The following TENM2 variants were observed in gnomAD, a reference collection of about 807,000 sequenced individuals.
TENM2 encodes teneurin transmembrane protein 2, also known as teneurin-2.
In TENM2, 52 loss-of-function variants were observed where a neutral mutation model predicts 245.2. That is an observed-to-expected ratio of 0.21 (90% CI 0.17 to 0.27). TENM2 has a LOEUF of 0.27. Ranked by LOEUF, TENM2 falls within the 10% of genes least tolerant of loss-of-function variation. The probability of loss-of-function intolerance (pLI) is 1.00; values close to 1 mark genes in which losing one functional copy is unlikely to be tolerated. For missense variants in TENM2, 3,046 were observed against 3,666.8 expected, an observed-to-expected ratio of 0.83 and a Z score of 4.37; for synonymous variants, 1,363 against 1,438.9, an observed-to-expected ratio of 0.95 and a Z score of 1.19.
intron 25 of TENM2, among the ~76,000 whole-genome samples, chr5:168,232,037 G>T (rs1199152176): frequency 6.6e-6 from 1 of 152,164 alleles, no homozygotes; most frequent in Non-Finnish European, 1.5e-5. Context: ...CTGTACTCCA[G>T]CCTGGGCAAC....
intron 2 of TENM2, among the ~76,000 whole-genome samples, chr5:167,757,586 T>C (rs1762392220): frequency 6.6e-6 from 1 of 152,210 alleles, no homozygotes; most frequent in Non-Finnish European, 1.5e-5. Flanking sequence ...GAATGATTTA[T>C]AATCCTTTGG....
At chr5:167,223,354 C>G in the TENM2 span, among the ~76,000 whole-genome samples, 1 of 152,026 alleles carries the variant, frequency 6.6e-6, no homozygotes, top group South Asian at 2.1e-4. Flanking sequence ...CCCATACACC[C>G]TTCTCAGTCT....
At chr5:167,308,191 A>G (rs923439686) in intron 1 of TENM2, 4 of 152,204 alleles carry the variant, frequency 2.6e-5, no homozygotes, top group Non-Finnish European at 5.9e-5. Flanking sequence ...ATTTTCTGAA[A>G]CACTTAAAAT....
chr5:167,087,426 T>G, the TENM2 span, among the ~76,000 whole-genome samples: 1 of 152,212 alleles, frequency 6.6e-6, no homozygotes, highest in Non-Finnish European at 1.5e-5. Flanking sequence ...CTGGTTACTC[T>G]TAAATCAACT....
intron 2 of TENM2, among the ~76,000 whole-genome samples, chr5:167,630,564 A>G (rs2127790829): frequency 6.6e-6 from 1 of 152,302 alleles, no homozygotes; most frequent in African/African-American, 2.4e-5. Flanking sequence ...TGCCGCAAAT[A>G]AGGGGGGAGT....
intron 2 of TENM2, among the ~76,000 whole-genome samples, chr5:167,558,657 C>G (rs1773401175): frequency 6.6e-6 from 1 of 152,218 alleles, no homozygotes; most frequent in South Asian, 2.1e-4. Flanking sequence ...CCATCACCCC[C>G]TGATGGGACC....
Position 167,641,891 on chromosome 5 carries a change from C to T in TENM2, c.503-234095C>T, listed in dbSNP as rs1201701033. 2.0e-5 allele frequency among the ~76,000 whole-genome samples: 3 copies of T among 152,098 alleles called. No homozygotes were observed. In the South Asian group the frequency reaches 6.2e-4, roughly 31 times the overall value. ...AGCGTGGTGGCTCATGCCTGTAATCCTAGCACTTTGGGATGCCGAGGTGGG... is the reference window on the plus strand; with the variant it reads ...AGCGTGGTGGCTCATGCCTGTAATCTTAGCACTTTGGGATGCCGAGGTGGG... On this transcript the variant is annotated intron_variant, in intron 2 of 28. Coordinates refer to ENST00000518659, the Ensembl canonical transcript of TENM2.
rs868648423 is a variant in TENM2 at position 167,951,869 on chromosome 5, C to G, written c.713-719C>G. On this transcript the variant is annotated intron_variant, in intron 3 of 28. Transcript: ENST00000518659. Reference sequence around the variant, plus strand: ...ATGTGTGTATACACACATACATACGCAAATATGTGTGTATACACACATACA... The same window carrying G: ...ATGTGTGTATACACACATACATACGGAAATATGTGTGTATACACACATACA... Among the ~76,000 whole-genome samples, 5 of 151,614 alleles carry G rather than the reference C, an allele frequency of 3.3e-5. No individual in the cohort carries two copies. The South Asian group carries it at 1.0e-3, about 32-fold the overall frequency.
intron 1 of TENM2, among the ~76,000 whole-genome samples, chr5:167,338,358 C>A (rs898454249): frequency 6.6e-6 from 1 of 152,214 alleles, no homozygotes; most frequent in African/African-American, 2.4e-5. Context: ...TTCATTCTCA[C>A]TTACATTCGT....
At chr5:168,164,606 G>T (rs555601575) in intron 13 of TENM2, among the ~76,000 whole-genome samples, 1 of 152,258 alleles carries the variant, frequency 6.6e-6, no homozygotes, top group Admixed American at 6.5e-5. Context: ...CCTCTGAGCT[G>T]AATTTCCCCA....
intron 10 of TENM2, among the ~76,000 whole-genome samples, chr5:168,121,519 TA>T (rs1396315959): frequency 2.6e-5 from 4 of 152,226 alleles, no homozygotes; most frequent in Non-Finnish European, 4.4e-5. Context: ...GGTTAGCTCA[TA>T]TTTTTAGATA....
intron 2 of TENM2, among the ~76,000 whole-genome samples, chr5:167,706,788 G>C (rs1758556642): frequency 6.6e-6 from 1 of 151,904 alleles, no homozygotes; most frequent in Admixed American, 6.6e-5. Context: ...GCCGAGGCGG[G>C]TGGATCACGA....
At chr5:167,806,119 G>A (rs1766146440) in intron 2 of TENM2, among the ~76,000 whole-genome samples, 1 of 152,112 alleles carries the variant, frequency 6.6e-6, no homozygotes, top group African/African-American at 2.4e-5. Flanking sequence ...AGGACTGAAG[G>A]TAGAGGCAGG....
At chr5:167,383,190 A>G (rs1001937023) in intron 2 of TENM2, among the ~76,000 whole-genome samples, 1 of 152,180 alleles carries the variant, frequency 6.6e-6, no homozygotes, top group Non-Finnish European at 1.5e-5. Flanking sequence ...ATCAATAAAT[A>G]TAAATTGACC....
chr5:167,072,097 G>A, the TENM2 span, among the ~76,000 whole-genome samples: 3 of 152,034 alleles, frequency 2.0e-5, no homozygotes, highest in Admixed American at 2.0e-4. Flanking sequence ...CTCAAGATGG[G>A]TTCAGCCAAG....
At chr5:167,166,192 C>CATACACATGTGT in the TENM2 span, among the ~76,000 whole-genome samples, 1 of 152,134 alleles carries the variant, frequency 6.6e-6, no homozygotes, top group Non-Finnish European at 1.5e-5. Flanking sequence ...GTTTATAAAA[C>CATACACATGTGT]ATTGTTCAGC....
intron 13 of TENM2, among the ~76,000 whole-genome samples, 168 bp from the exon 16 acceptor site, chr5:168,190,169 G>T (rs1760822303): frequency 6.6e-6 from 1 of 152,182 alleles, no homozygotes; most frequent in African/African-American, 2.4e-5. Context: ...TATTTTCTAT[G>T]TGTATGGATT....
chr5:167,522,671 A>G (rs1770842472), intron 2 of TENM2, among the ~76,000 whole-genome samples: 1 of 152,166 alleles, frequency 6.6e-6, no homozygotes, highest in South Asian at 2.1e-4. Context: ...GTAAGATAGC[A>G]TAGAGGAAAA....
intron 2 of TENM2, among the ~76,000 whole-genome samples, chr5:167,836,555 TAATA>T (rs1322430019): frequency 2.0e-5 from 3 of 152,154 alleles, no homozygotes; most frequent in Non-Finnish European, 4.4e-5. Context: ...GACAAAAAAA[TAATA>T]AATAGAGAAA....
Sources: gnomAD v4.1 joint callset for allele counts (sites outside exome capture counted in the v4.1 genomes callset) on GRCh38, gnomAD v4.1.1 for gene constraint, MANE v1.5 for transcripts, NCBI Gene and HGNC (gene_info 2026-07-23, HGNC 2026-07-21) for gene names.